Variants in KSR2 observed in about 807,000 individuals in gnomAD.
KSR2 encodes the protein kinase suppressor of ras 2.
In KSR2, 25 loss-of-function variants were observed where a neutral mutation model predicts 107.8. The observed-to-expected ratio is 0.23, with a 90% confidence interval of 0.17 to 0.32. The LOEUF is 0.32. Ranked by LOEUF, KSR2 falls within the 10% of genes least tolerant of loss-of-function variation. KSR2 has a pLI of 1.00. For synonymous variants in KSR2, 480 were observed against 507.0 expected (o/e 0.95, Z 0.71); for missense variants, 887 against 1,268.9 (o/e 0.70, Z 4.57).
intron 3 of KSR2, among the ~76,000 whole-genome samples, chr12:117,793,974 CACCATGCACA>C (rs1566018386): frequency 7.6e-6 from 1 of 131,686 alleles, no homozygotes; most frequent in Non-Finnish European, 1.6e-5. Flanking sequence ...CATGCACACA[CACCATGCACA>C]CATACACCAA....
intron 3 of KSR2, among the ~76,000 whole-genome samples, chr12:117,831,815 C>T (rs759761407): frequency 2.0e-5 from 3 of 152,200 alleles, no homozygotes; most frequent in Non-Finnish European, 4.4e-5. Context: ...CCCACACAAT[C>T]CAAGAACACA....
At chr12:117,753,376 T>C (rs748140031) in intron 4 of KSR2, among the ~76,000 whole-genome samples, 5 of 152,202 alleles carry the variant, frequency 3.3e-5, no homozygotes, top group African/African-American at 4.8e-5. Flanking sequence ...TAACCAATCT[T>C]TGTCCCCTCA....
At chr12:117,540,117 CCCCAGA>C (rs1876375729) in intron 9 of KSR2, among the ~76,000 whole-genome samples, 1 of 152,048 alleles carries the variant, frequency 6.6e-6, no homozygotes, top group African/African-American at 2.4e-5. Context: ...ACTGCTTGGA[CCCCAGA>C]GTGAAAGGTG....
At chr12:117,586,692 C>T (rs143370297) in intron 5 of KSR2, among the ~76,000 whole-genome samples, 191 of 148,374 alleles carry the variant, frequency 1.3e-3, no homozygotes, top group African/African-American at 4.1e-3. Context: ...GCTGTGTTAC[C>T]GTGTGCCAAG....
intron 5 of KSR2, among the ~76,000 whole-genome samples, chr12:117,645,057 A>G (rs546611740): frequency 1.2e-4 from 18 of 152,320 alleles, no homozygotes; most frequent in African/African-American, 4.1e-4. Flanking sequence ...CAGGATAAAC[A>G]TGTATGTGTT....
intron 1 of KSR2, among the ~76,000 whole-genome samples, chr12:117,888,963 T>C (rs1035052766): frequency 3.9e-5 from 6 of 152,154 alleles, no homozygotes; most frequent in African/African-American, 1.4e-4. Context: ...TCAAAAATGA[T>C]TAAAATGGTA....
chr12:117,959,619 G>A (rs1896604635), intron 1 of KSR2, among the ~76,000 whole-genome samples: 1 of 151,908 alleles, frequency 6.6e-6, no homozygotes, highest in South Asian at 2.1e-4. Flanking sequence ...TGGTTCAAAG[G>A]GCTTCTATCA....
At chr12:117,506,527 C>T (rs1873689918) in intron 14 of KSR2, among the ~76,000 whole-genome samples, 1 of 152,112 alleles carries the variant, frequency 6.6e-6, no homozygotes, top group Non-Finnish European at 1.5e-5. Flanking sequence ...AAATAAAATC[C>T]CCTGGGTGTC....
At chr12:117,810,797 G>A (rs1301346893) in intron 3 of KSR2, among the ~76,000 whole-genome samples, 1 of 152,120 alleles carries the variant, frequency 6.6e-6, no homozygotes, top group African/African-American at 2.4e-5. Context: ...TTGTTTTGGG[G>A]GTGGTGGTGT....
intron 1 of KSR2, among the ~76,000 whole-genome samples, chr12:117,928,535 G>T (rs912883695): frequency 1.3e-5 from 2 of 152,018 alleles, no homozygotes; most frequent in African/African-American, 4.8e-5. Context: ...GTATGGTATG[G>T]GTATATCATA....
At chr12:117,682,289 C>T (rs1317897158) in intron 4 of KSR2, among the ~76,000 whole-genome samples, 1 of 152,000 alleles carries the variant, frequency 6.6e-6, no homozygotes, top group Non-Finnish European at 1.5e-5. Flanking sequence ...GGAGAGAGAA[C>T]ATTAGGAAAA....
chr12:117,869,578 C>T lies in KSR2; in HGVS notation c.181-9147G>A, dbSNP rs74717452. Among the ~76,000 whole-genome samples the T allele has an allele frequency of 6.5e-3, 983 of 152,232 alleles. 5 individuals carry two copies. The highest frequency in any genetic ancestry group is 9.7e-3 in the Non-Finnish European group (659 of 68,012). On this transcript the variant is annotated intron_variant, in intron 1 of 19. Coordinates refer to ENST00000339824, the MANE Select transcript of KSR2 (RefSeq NM_173598.6). ...ACTCTGCAATGTGGCTTTCTGTGGA[C>T]GATTTCTTTTTTCCTCTCACATAAA...
At chr12:117,707,680 C>T (rs966300622) in intron 4 of KSR2, among the ~76,000 whole-genome samples, 6 of 152,158 alleles carry the variant, frequency 3.9e-5, no homozygotes, top group Non-Finnish European at 7.4e-5. Context: ...CACACTCCGG[C>T]CTTGAGAAAC....
At chr12:117,830,712 T>C (rs1891931633) in intron 3 of KSR2, among the ~76,000 whole-genome samples, 2 of 152,168 alleles carry the variant, frequency 1.3e-5, no homozygotes, top group African/African-American at 4.8e-5. Context: ...GAAACAAATT[T>C]AAGCTATGAG....
rs947489335 is a variant in KSR2 at position 117,709,772 on chromosome 12, C to T, written c.987-42114G>A. Among the ~76,000 whole-genome samples the T allele has an allele frequency of 3.9e-5, 6 of 152,154 alleles. No homozygotes were observed. The East Asian group carries it at 5.8e-4, about 15-fold the overall frequency. Reference sequence around the variant, plus strand: ...AACTCTTAGTTGTGAGGGGCTGTCCCGTGTATTGTAGGATGTTAGGCAGCA... The same window carrying T: ...AACTCTTAGTTGTGAGGGGCTGTCCTGTGTATTGTAGGATGTTAGGCAGCA... On this transcript the variant is annotated intron_variant, in intron 4 of 19. Coordinates refer to ENST00000339824, the MANE Select transcript of KSR2 (RefSeq NM_173598.6).
intron 3 of KSR2, among the ~76,000 whole-genome samples, chr12:117,837,131 C>T (rs547100483): frequency 1.3e-5 from 2 of 152,270 alleles, no homozygotes; most frequent in East Asian, 1.9e-4. Context: ...CTGATAGATG[C>T]CTCTGCCGTT....
At chr12:117,644,163 T>C (rs536681019) in intron 5 of KSR2, among the ~76,000 whole-genome samples, 9 of 152,310 alleles carry the variant, frequency 5.9e-5, no homozygotes, top group African/African-American at 1.7e-4. Flanking sequence ...GCTGAAGATA[T>C]AGCAAGCAGA....
intron 9 of KSR2, among the ~76,000 whole-genome samples, chr12:117,540,960 C>G (rs1876442026): frequency 6.6e-6 from 1 of 152,262 alleles, no homozygotes; most frequent in South Asian, 2.1e-4. Flanking sequence ...TCAAATTCCA[C>G]AGCCACCTCT....
chr12:117,619,210 C>CT (rs67822272), intron 5 of KSR2, among the ~76,000 whole-genome samples: 6,341 of 147,366 alleles, frequency 0.043, 334 homozygotes, highest in African/African-American at 0.13. Context: ...AGTCAATTTT[C>CT]TTTTTTTTTT....
Sources: allele counts gnomAD v4.1 joint callset (sites outside exome capture counted in the v4.1 genomes callset), GRCh38; gene constraint gnomAD v4.1.1; transcripts MANE v1.5; gene names NCBI Gene and HGNC (gene_info 2026-07-23, HGNC 2026-07-21).